ODR4: variants seen among roughly 807,000 people sequenced by gnomAD.
The protein encoded by ODR4 is protein odr-4 homolog.
In ODR4, 47 loss-of-function variants were observed where a neutral mutation model predicts 60.2. The observed-to-expected ratio is 0.78, with a 90% CI of 0.62 to 1.00. ODR4 has a LOEUF of 1.00. ODR4 is among the 50% of genes least tolerant of loss of function. The pLI, the probability that ODR4 is intolerant of heterozygous loss-of-function variation, is 0.00. For synonymous variants in ODR4, 178 were observed against 175.5 expected, an observed-to-expected ratio of 1.01 and a Z score of -0.11; for missense variants, 488 against 530.8, an observed-to-expected ratio of 0.92 and a Z score of 0.79.
downstream of ODR4, among the ~76,000 whole-genome samples, chr1:186,422,064 G>T (rs547386642): frequency 7.9e-5 from 12 of 151,700 alleles, 1 homozygote; most frequent in African/African-American, 2.7e-4. Context: ...TGATAGCATT[G>T]GTCAGATTTT....
intron 12 of ODR4, among the ~76,000 whole-genome samples, chr1:186,412,399 C>A (rs916842300): frequency 6.6e-6 from 1 of 151,936 alleles, no homozygotes; most frequent in Non-Finnish European, 1.5e-5. Flanking sequence ...AGGATGAATA[C>A]AAATAAAAGT....
At chr1:186,406,390 G>A (rs757961149) in intron 12 of ODR4, 122 bp downstream of exon 12, 24 of 601,164 alleles carry the variant, frequency 4.0e-5, no homozygotes, top group Middle Eastern at 4.2e-4. Flanking sequence ...TTGACACTTC[G>A]AAATATTAAC....
At chr1:186,425,818 C>T (rs1558110764), downstream of ODR4, among the ~76,000 whole-genome samples, 2 of 152,102 alleles carry the variant, frequency 1.3e-5, no homozygotes, top group African/African-American at 4.8e-5. Context: ...TGATCTTTGC[C>T]ATAAGGTGAT....
downstream of ODR4, among the ~76,000 whole-genome samples, chr1:186,424,291 A>G (rs543588502): frequency 6.6e-6 from 1 of 152,238 alleles, no homozygotes; most frequent in African/African-American, 2.4e-5. Flanking sequence ...AGTATGCTAC[A>G]GTTTTTATAA....
intron 10 of ODR4, 105 bp from the exon 11 acceptor site, chr1:186,398,849 G>T (rs1040307749): frequency 1.4e-6 from 1 of 693,224 alleles, no homozygotes; most frequent in African/African-American, 1.8e-5. Flanking sequence ...GTTATTTAGT[G>T]GGCATGATTG....
intron 8 of ODR4, among the ~76,000 whole-genome samples, chr1:186,392,124 T>C (rs1660493342): frequency 6.6e-6 from 1 of 151,872 alleles, no homozygotes; most frequent in Non-Finnish European, 1.5e-5. Flanking sequence ...TATTAAAAAG[T>C]CAAAAAATAA....
intron 1 of ODR4, 77 bp downstream of exon 1, chr1:186,376,051 C>A: frequency 6.5e-6 from 1 of 153,298 alleles, no homozygotes; most frequent in Non-Finnish European, 1.4e-5. Context: ...AAGGAAGGGA[C>A]AGTGTTGGAA....
At chr1:186,421,867 A>G (rs1571709806), downstream of ODR4, among the ~76,000 whole-genome samples, 1 of 137,104 alleles carries the variant, frequency 7.3e-6, no homozygotes, top group Non-Finnish European at 1.6e-5. Context: ...ATCTCAAAAA[A>G]AAAAAAAAAA....
chr1:186,396,986 T>G (rs1660708079), intron 9 of ODR4, among the ~76,000 whole-genome samples: 1 of 152,166 alleles, frequency 6.6e-6, no homozygotes, highest in Admixed American at 6.5e-5. Context: ...TATGGAAGCT[T>G]ATTCCAGACA....
chr1:186,379,885 G>A lies in ODR4; in HGVS notation c.99+1G>A. 6.6e-7 allele frequency: 1 copy of A among 1,524,674 alleles called. No homozygotes were observed. Among genetic ancestry groups the A allele is most frequent in the Non-Finnish European group, 8.9e-7 (1 of 1,120,356 alleles). 94.4% of individuals were successfully genotyped at this position (1,524,674 alleles called of 1,614,324 possible). ...TGTCTCTGGCCTTTTAATAGGACAG[G>A]TATGTATCTTTTACTCTGCATTTAT... On this transcript the variant is annotated splice_donor_variant, in intron 2 of 13. Transcript: ENST00000287859. LOFTEE classifies it high-confidence loss of function.
At chr1:186,416,896 G>A (rs965744605) in intron 12 of ODR4, among the ~76,000 whole-genome samples, 39 of 149,986 alleles carry the variant, frequency 2.6e-4, no homozygotes, top group African/African-American at 7.8e-4. Context: ...TCTCAAGAGC[G>A]AAGTTTACTC....
chr1:186,376,394 A>C (rs1311013026), intron 1 of ODR4, among the ~76,000 whole-genome samples: 2 of 152,228 alleles, frequency 1.3e-5, no homozygotes, highest in African/African-American at 4.8e-5. Context: ...CTGTAGTTTT[A>C]AAGCTCAATC....
At chr1:186,383,678 G>GATATATATATATATATATATATATATAT (rs60229243) in intron 3 of ODR4, among the ~76,000 whole-genome samples, 37 of 140,720 alleles carry the variant, frequency 2.6e-4, no homozygotes, top group African/African-American at 4.4e-4. Context: ...TGTGTATGTA[G>GATATATATATATATATATATATATATAT]ATATATATAT....
intron 11 of ODR4, among the ~76,000 whole-genome samples, chr1:186,399,384 GT>G (rs1284766692): frequency 6.6e-6 from 1 of 151,750 alleles, no homozygotes; most frequent in Non-Finnish European, 1.5e-5. Context: ...TTTTGGTATT[GT>G]TTTTTTAGAG....
Position 186,406,167 on chromosome 1 carries a change from T to C in ODR4, c.1085T>C (p.Phe362Ser). ...ACTGTAATGTTGTGTGATTATAAAT[T>C]TGACGATGAGTCAGCTGAAGAAATC... ...GSTVMLCDYK[F>S]DDESAEEIRD... The change falls in exon 12 of 14, where the codon TTT becomes TCT. Residue 362 changes from phenylalanine to serine, a missense_variant. Transcript: ENST00000287859. 3 of 1,612,856 alleles carry C rather than the reference T, an allele frequency of 1.9e-6. No individual in the cohort carries two copies. The highest frequency in any genetic ancestry group is 2.5e-6 in the Non-Finnish European group (3 of 1,179,358).
At chr1:186,422,696 T>TA (rs1311485137), downstream of ODR4, among the ~76,000 whole-genome samples, 1 of 152,164 alleles carries the variant, frequency 6.6e-6, no homozygotes, top group African/African-American at 2.4e-5. Flanking sequence ...TTACAAGTAA[T>TA]ATATATTTTT....
intron 3 of ODR4, among the ~76,000 whole-genome samples, chr1:186,385,213 T>C (rs1426733766): frequency 2.0e-5 from 3 of 151,034 alleles, no homozygotes; most frequent in Non-Finnish European, 4.4e-5. Flanking sequence ...ATGCCCAGTA[T>C]CAGTAAGTGG....
At chr1:186,413,585 T>C (rs1661449217) in intron 12 of ODR4, among the ~76,000 whole-genome samples, 1 of 152,168 alleles carries the variant, frequency 6.6e-6, no homozygotes, top group East Asian at 1.9e-4. Context: ...AACAGTACCA[T>C]CTAAAAAAAT....
intron 1 of ODR4, among the ~76,000 whole-genome samples, chr1:186,376,308 A>T (rs1659762180): frequency 2.6e-5 from 4 of 152,162 alleles, no homozygotes. Context: ...AAAATTGAAA[A>T]CTGTTGTAAC....
Sources: gnomAD v4.1 joint callset for allele counts (sites outside exome capture counted in the v4.1 genomes callset) on GRCh38, gnomAD v4.1.1 for gene constraint, MANE v1.5 for transcripts, NCBI Gene and HGNC (gene_info 2026-07-23, HGNC 2026-07-21) for gene names.